Variants in CDK6 observed in about 807,000 individuals in gnomAD.
CDK6 encodes the protein cyclin dependent kinase 6.
A neutral mutation model predicts 37.1 loss-of-function variants in CDK6; 6 were observed. That is an observed-to-expected ratio of 0.16 (90% CI 0.09 to 0.32). The LOEUF (loss-of-function observed/expected upper bound fraction) is 0.32. Ranked by LOEUF, CDK6 falls within the 10% of genes least tolerant of loss-of-function variation. CDK6 has a pLI of 1.00. For synonymous variants in CDK6, 160 were observed against 161.3 expected (o/e 0.99, Z 0.06); for missense variants, 224 against 418.9 (o/e 0.53, Z 4.06).
intron 3 of CDK6, among the ~76,000 whole-genome samples, chr7:92,769,606 T>C (rs958401342): frequency 3.9e-5 from 6 of 152,230 alleles, no homozygotes; most frequent in Non-Finnish European, 8.8e-5. Context: ...CTAGGAAAGA[T>C]TAATGTATTA....
At chr7:92,711,360 A>G (rs1798083105) in intron 4 of CDK6, among the ~76,000 whole-genome samples, 1 of 152,096 alleles carries the variant, frequency 6.6e-6, no homozygotes, top group Admixed American at 6.6e-5. Flanking sequence ...CCAAACAAAC[A>G]GAAAACCTGT....
rs574924707 is a variant in CDK6, at chr7:92,821,030, T to C, written c.233+12061A>G. On this transcript the variant is annotated intron_variant, in intron 2 of 7. Transcript: ENST00000424848. Reference sequence around the variant, plus strand: ...TCCTTCCATTAAGAGGTGGTGTATGTCTCTACCTCTTGAATCTCTGGGGCT... The same window carrying C: ...TCCTTCCATTAAGAGGTGGTGTATGCCTCTACCTCTTGAATCTCTGGGGCT... 1.5e-4 allele frequency among the ~76,000 whole-genome samples: 23 copies of C among 152,180 alleles called. No individual in the cohort carries two copies. The South Asian group carries it at 4.8e-3, about 32-fold the overall frequency.
intron 5 of CDK6, among the ~76,000 whole-genome samples, chr7:92,630,535 CA>C (rs1475605233): frequency 2.0e-5 from 3 of 152,092 alleles, no homozygotes; most frequent in African/African-American, 7.2e-5. Context: ...AAATCTGAGT[CA>C]AACTTCGGAA....
At chr7:92,720,634 C>G (rs994962466) in intron 4 of CDK6, among the ~76,000 whole-genome samples, 1 of 152,176 alleles carries the variant, frequency 6.6e-6, no homozygotes, top group African/African-American at 2.4e-5. Context: ...TCATGACTGT[C>G]AGAGCCCTCA....
At chr7:92,768,862 C>T (rs77281304) in intron 3 of CDK6, among the ~76,000 whole-genome samples, 3 of 152,156 alleles carry the variant, frequency 2.0e-5, no homozygotes, top group Non-Finnish European at 2.9e-5. Flanking sequence ...ATCACCTGCT[C>T]GTAATTCAGG....
chr7:92,798,101 T>C (rs1363577384), intron 2 of CDK6, among the ~76,000 whole-genome samples: 1 of 152,216 alleles, frequency 6.6e-6, no homozygotes, highest in Admixed American at 6.5e-5. Flanking sequence ...TCAACACTGT[T>C]AGAGAATTTT....
chr7:92,711,552 A>ATTTTT lies in CDK6; in HGVS notation c.537+14069_537+14073dup, dbSNP rs11285626. Among the ~76,000 whole-genome samples, 276 of 56,626 alleles carry ATTTTT rather than the reference A, an allele frequency of 4.9e-3. 23 individuals are homozygous for ATTTTT. The highest frequency in any genetic ancestry group is 0.018 in the African/African-American group (220 of 12,216). 37.1% of individuals were successfully genotyped at this position (56,626 alleles called of 152,430 possible). A position where few individuals can be genotyped will look rare whatever the true frequency, so the allele number is the denominator to read the frequency against. Reference sequence around the variant, plus strand: ...TTTTTTACCTACCTGGAATGGTCAAATTTTTTTTTTTTTTTTTTTTTTTTT... The same window carrying ATTTTT: ...TTTTTTACCTACCTGGAATGGTCAAATTTTTTTTTTTTTTTTTTTTTTTTTTTTTT... On this transcript the variant is annotated intron_variant, in intron 4 of 7. Transcript: ENST00000424848.
In CDK6 at chr7:92,725,611, C is replaced by A. The variant is rs1585432060; in HGVS notation, c.537+15G>T. 2 of 1,604,738 alleles carry A rather than the reference C, an allele frequency of 1.2e-6. No individual in the cohort carries two copies. The highest frequency in any genetic ancestry group is 1.7e-6 in the Non-Finnish European group (2 of 1,175,276). On this transcript the variant is annotated intron_variant, in intron 4 of 7. Coordinates refer to ENST00000424848, the MANE Select transcript of CDK6 (RefSeq NM_001145306.2). ...AAAAATAAGTTTAATAAAAGGACAG[C>A]ACTCTCTCACTCACCACTGAGGTTA...
intron 4 of CDK6, among the ~76,000 whole-genome samples, chr7:92,698,722 T>C (rs910560630): frequency 6.6e-6 from 1 of 152,192 alleles, no homozygotes; most frequent in African/African-American, 2.4e-5. Context: ...TGCACCATTG[T>C]TCCCAGAGTC....
At chr7:92,753,094 ATTAAG>A (rs776769239) in intron 3 of CDK6, among the ~76,000 whole-genome samples, 33 of 152,194 alleles carry the variant, frequency 2.2e-4, no homozygotes, top group Non-Finnish European at 4.3e-4. Context: ...TTGTGACCTT[ATTAAG>A]TTATTAAATT....
intron 5 of CDK6, among the ~76,000 whole-genome samples, chr7:92,629,528 A>G (rs1796007015): frequency 6.6e-6 from 1 of 151,962 alleles, no homozygotes; most frequent in African/African-American, 2.4e-5. Flanking sequence ...ACATTACAAA[A>G]CTCATAAATT....
chr7:92,778,908 T>C (rs1192559253), intron 2 of CDK6, among the ~76,000 whole-genome samples: 1 of 146,478 alleles, frequency 6.8e-6, no homozygotes, highest in African/African-American at 2.5e-5. Context: ...CAGTTCTTAC[T>C]GCATTTATAG....
rs1585335431 is a variant in CDK6, at chr7:92,613,459, A to G, written c.*1681T>C. On this transcript the variant is annotated 3_prime_UTR_variant, in exon 8 of 8. Transcript: ENST00000424848. The stretch of plus-strand genomic sequence containing the variant: ...ATACTTTCTGTGTCCTCTGGTTACT[A>G]GAGCCAACTGAGCACTAAACCACTT... The G allele has an allele frequency of 4.3e-6, 1 of 233,592 alleles. No individual in the cohort carries two copies. Among genetic ancestry groups the G allele is most frequent in the African/African-American group, 2.2e-5 (1 of 45,348 alleles). 14.5% of individuals were successfully genotyped at this position (233,592 alleles called of 1,614,324 possible). A position where few individuals can be genotyped will look rare whatever the true frequency, so the allele number is the denominator to read the frequency against.
intron 2 of CDK6, among the ~76,000 whole-genome samples, chr7:92,808,686 T>C (rs1282430303): frequency 6.6e-6 from 1 of 152,220 alleles, no homozygotes; most frequent in East Asian, 1.9e-4. Context: ...ATGAAATTCT[T>C]CATGTGATTT....
intron 2 of CDK6, among the ~76,000 whole-genome samples, chr7:92,800,966 T>G (rs1800557444): frequency 6.6e-6 from 1 of 152,136 alleles, no homozygotes; most frequent in African/African-American, 2.4e-5. Context: ...AAATAACACT[T>G]TATCATTTTG....
chr7:92,832,304 C>T (rs1801507157), intron 2 of CDK6, among the ~76,000 whole-genome samples: 1 of 152,300 alleles, frequency 6.6e-6, no homozygotes, highest in African/African-American at 2.4e-5. Flanking sequence ...TGTCTCCCCA[C>T]CCACTCGCAC....
chr7:92,663,870 C>T (rs1395750966), intron 5 of CDK6, among the ~76,000 whole-genome samples: 1 of 152,006 alleles, frequency 6.6e-6, no homozygotes, highest in African/African-American at 2.4e-5. Context: ...AGAGATCTTC[C>T]CAGCCAGGCA....
intron 5 of CDK6, among the ~76,000 whole-genome samples, chr7:92,657,357 C>G (rs1796720898): frequency 6.6e-6 from 1 of 152,092 alleles, no homozygotes; most frequent in Non-Finnish European, 1.5e-5. Context: ...AGAAGGCATC[C>G]AAAGTAATGA....
chr7:92,734,815 G>C lies in CDK6; in HGVS notation c.370-9022C>G, dbSNP rs577390504. Among the ~76,000 whole-genome samples, 9 of 152,292 alleles carry C rather than the reference G, an allele frequency of 5.9e-5. No individual in the cohort carries two copies. In the South Asian group the frequency reaches 6.2e-4, roughly 11 times the overall value. On this transcript the variant is annotated intron_variant, in intron 3 of 7. Transcript: ENST00000424848. Reference sequence around the variant, plus strand: ...ATTAAAACATGTTCATATGTGTTGAGACTTTGGGCTCATTATTTTAGAAAT... The same window carrying C: ...ATTAAAACATGTTCATATGTGTTGACACTTTGGGCTCATTATTTTAGAAAT...
Sources: allele counts gnomAD v4.1 joint callset (sites outside exome capture counted in the v4.1 genomes callset), GRCh38; gene constraint gnomAD v4.1.1; transcripts MANE v1.5; gene names NCBI Gene and HGNC (gene_info 2026-07-23, HGNC 2026-07-21).